SRGAP1: variants seen among roughly 807,000 people sequenced by gnomAD.
SRGAP1 encodes the protein SLIT-ROBO Rho GTPase activating protein 1.
Under a neutral mutation model 121.9 loss-of-function variants are expected in SRGAP1, and 43 were observed. The observed-to-expected ratio is 0.35, with a 90% CI of 0.28 to 0.46. The LOEUF is 0.46. SRGAP1 is among the 20% of genes least tolerant of loss of function. SRGAP1 has a pLI of 1.00. For missense variants in SRGAP1, 1,102 were observed against 1,350.9 expected (o/e 0.82, Z 2.89); for synonymous variants, 447 against 485.4 (o/e 0.92, Z 1.04).
At chr12:64,141,755 CA>C (rs1163584147) in intron 21 of SRGAP1, among the ~76,000 whole-genome samples, 1 of 152,012 alleles carries the variant, frequency 6.6e-6, no homozygotes, top group African/African-American at 2.4e-5. Flanking sequence ...AGTTCAAGAC[CA>C]ACCTGGGCAA....
chr12:63,981,372 C>G (rs757094999), intron 1 of SRGAP1, among the ~76,000 whole-genome samples: 4 of 151,644 alleles, frequency 2.6e-5, no homozygotes, highest in Non-Finnish European at 5.9e-5. Flanking sequence ...AAAACAAAAA[C>G]AAACAAAAAA....
chr12:63,993,841 A>G (rs1263473630), intron 3 of SRGAP1, among the ~76,000 whole-genome samples: 1 of 151,980 alleles, frequency 6.6e-6, no homozygotes, highest in East Asian at 1.9e-4. Flanking sequence ...GCCTAAACTC[A>G]AAAGTTTTCA....
At chr12:63,958,338 G>C (rs1037654626) in intron 1 of SRGAP1, among the ~76,000 whole-genome samples, 1 of 152,102 alleles carries the variant, frequency 6.6e-6, no homozygotes, top group African/African-American at 2.4e-5. Flanking sequence ...GGATGGTTCG[G>C]TTTACTCCCT....
intron 1 of SRGAP1, among the ~76,000 whole-genome samples, chr12:63,951,672 A>G (rs181765539): frequency 2.1e-4 from 32 of 152,232 alleles, no homozygotes; most frequent in African/African-American, 7.7e-4. Flanking sequence ...TTCTTCCACC[A>G]TGGCTCTTTA....
intron 3 of SRGAP1, among the ~76,000 whole-genome samples, chr12:64,000,234 G>A (rs1415729471): frequency 7.4e-6 from 1 of 135,014 alleles, no homozygotes; most frequent in African/African-American, 2.9e-5. Context: ...GTCAAGAAAG[G>A]TAGGGGTGTG....
intron 1 of SRGAP1, among the ~76,000 whole-genome samples, chr12:63,951,430 C>T (rs1466647455): frequency 6.6e-6 from 1 of 152,140 alleles, no homozygotes; most frequent in Admixed American, 6.6e-5. Flanking sequence ...TCCCAAAGTG[C>T]TGGAATTATA....
rs57230527 is a variant in SRGAP1, at chr12:63,954,688, A to AAAAAAAAAAAG, written c.68-29255_68-29254insAAAAAAGAAAA. Among the ~76,000 whole-genome samples, 402 of 130,208 alleles carry AAAAAAAAAAAG rather than the reference A, an allele frequency of 3.1e-3. 10 individuals are homozygous for AAAAAAAAAAAG. The highest frequency in any genetic ancestry group is 5.6e-3 in the African/African-American group (197 of 35,278). The allele number at this position is 130,208 out of a possible 152,430, so 85.4% of individuals were successfully genotyped here. On this transcript the variant is annotated intron_variant, in intron 1 of 21. Transcript: ENST00000355086. ...GCGAGACTCCATCTCAAAAAAAAAAAAAAAGAAAAGAAAAAGCAGTGTGAG... is the reference window on the plus strand; with the variant it reads ...GCGAGACTCCATCTCAAAAAAAAAAAAAAAAAAAAAGAAAAGAAAAGAAAAAGCAGTGTGAG...
intron 1 of SRGAP1, among the ~76,000 whole-genome samples, chr12:63,935,087 G>A (rs956080580): frequency 6.6e-6 from 1 of 152,206 alleles, no homozygotes; most frequent in Non-Finnish European, 1.5e-5. Flanking sequence ...CATCGGGAGA[G>A]GAGGGTATGT....
At chr12:64,027,197 A>G (rs1275850134) in intron 4 of SRGAP1, among the ~76,000 whole-genome samples, 1 of 152,106 alleles carries the variant, frequency 6.6e-6, no homozygotes, top group East Asian at 1.9e-4. Context: ...CCCAACAACC[A>G]TGGGAGGTAG....
intron 21 of SRGAP1, among the ~76,000 whole-genome samples, chr12:64,139,138 A>G (rs180997745): frequency 3.3e-5 from 5 of 152,348 alleles, no homozygotes; most frequent in Admixed American, 3.3e-4. Context: ...CACCAAGGCA[A>G]GATACCTAAT....
intron 1 of SRGAP1, among the ~76,000 whole-genome samples, chr12:63,891,211 C>T (rs1900568040): frequency 6.6e-6 from 1 of 152,158 alleles, no homozygotes; most frequent in Non-Finnish European, 1.5e-5. Context: ...TGGCCTTCAC[C>T]GCCACACCTG....
At chr12:64,054,861 A>G (rs1415442376) in intron 6 of SRGAP1, among the ~76,000 whole-genome samples, 1 of 148,990 alleles carries the variant, frequency 6.7e-6, no homozygotes, top group Non-Finnish European at 1.5e-5. Context: ...AGCATTAGGT[A>G]TATCTCCCAA....
intron 11 of SRGAP1, among the ~76,000 whole-genome samples, chr12:64,090,547 T>C (rs1030968743): frequency 6.6e-6 from 1 of 152,214 alleles, no homozygotes; most frequent in Non-Finnish European, 1.5e-5. Context: ...GTTACTTGCA[T>C]TGGTTTGCTG....
chr12:63,952,941 G>T (rs1565966757), intron 1 of SRGAP1, among the ~76,000 whole-genome samples: 1 of 152,008 alleles, frequency 6.6e-6, no homozygotes, highest in East Asian at 1.9e-4. Context: ...TCACTGTACC[G>T]GGCCAGGTGC....
intron 8 of SRGAP1, among the ~76,000 whole-genome samples, chr12:64,071,873 C>A (rs1040604518): frequency 2.8e-4 from 41 of 148,844 alleles, no homozygotes; most frequent in Admixed American, 2.7e-3. Flanking sequence ...TACCCTCACC[C>A]CCCCCCAAAA....
intron 1 of SRGAP1, among the ~76,000 whole-genome samples, chr12:63,848,277 G>T (rs1291603271): frequency 6.6e-6 from 1 of 152,104 alleles, no homozygotes; most frequent in African/African-American, 2.4e-5. Context: ...CTCCCAAAGT[G>T]CTGGGATTAC....
At chr12:63,857,152 C>T (rs571982069) in intron 1 of SRGAP1, among the ~76,000 whole-genome samples, 35 of 149,636 alleles carry the variant, frequency 2.3e-4, no homozygotes, top group Non-Finnish European at 1.0e-4. Flanking sequence ...TGATCTCGGC[C>T]CACTGCAACC....
chr12:63,963,451 A>T (rs2032700613), intron 1 of SRGAP1, among the ~76,000 whole-genome samples: 1 of 152,186 alleles, frequency 6.6e-6, no homozygotes, highest in East Asian at 1.9e-4. Context: ...TGTACATGAG[A>T]TATTTTGATA....
At chr12:63,926,660 A>G (rs1181943615) in intron 1 of SRGAP1, among the ~76,000 whole-genome samples, 1 of 152,224 alleles carries the variant, frequency 6.6e-6, no homozygotes, top group African/African-American at 2.4e-5. Context: ...AAGTTAATTA[A>G]CATATCACCT....
Sources: gnomAD v4.1 joint callset for allele counts (sites outside exome capture counted in the v4.1 genomes callset) on GRCh38, gnomAD v4.1.1 for gene constraint, MANE v1.5 for transcripts, NCBI Gene and HGNC (gene_info 2026-07-23, HGNC 2026-07-21) for gene names.